Variants in CLASP2 observed in about 807,000 individuals in gnomAD.
The protein encoded by CLASP2 is CLIP-associating protein 2.
Under a neutral mutation model 194.4 loss-of-function variants are expected in CLASP2, and 47 were observed. The ratio of observed to expected loss-of-function variants is 0.24; its 90% confidence interval spans 0.19 to 0.31. The LOEUF is 0.31. Among genes scored for constraint, CLASP2 ranks in the 10% least tolerant of loss-of-function variants. CLASP2 has a pLI of 1.00. For synonymous variants in CLASP2, 619 were observed against 633.5 expected (o/e 0.98, Z 0.34); for missense variants, 1,445 against 1,823.6 (o/e 0.79, Z 3.78).
At chr3:33,637,861 T>A (rs990816883) in intron 8 of CLASP2, among the ~76,000 whole-genome samples, 1 of 152,208 alleles carries the variant, frequency 6.6e-6, no homozygotes, top group African/African-American at 2.4e-5. Flanking sequence ...CTTAGAGGAA[T>A]CTATTTTATA....
At chr3:33,582,999 T>G (rs986460275) in intron 22 of CLASP2, among the ~76,000 whole-genome samples, 5 of 152,182 alleles carry the variant, frequency 3.3e-5, no homozygotes, top group South Asian at 2.1e-4. Flanking sequence ...TCAAAAAGCT[T>G]GACTCCTACA....
chr3:33,617,948 TA>T (rs1192212951), intron 12 of CLASP2, among the ~76,000 whole-genome samples: 182 of 110,316 alleles, frequency 1.6e-3, no homozygotes, highest in African/African-American at 3.9e-3. Flanking sequence ...TATATATATA[TA>T]TATTTTTTTT....
chr3:33,665,117 A>G (rs2154334783), intron 6 of CLASP2, among the ~76,000 whole-genome samples: 1 of 151,936 alleles, frequency 6.6e-6, no homozygotes, highest in South Asian at 2.1e-4. Context: ...AAAAAAAAAG[A>G]AAGAAAGAAA....
intron 10 of CLASP2, among the ~76,000 whole-genome samples, chr3:33,624,577 C>T (rs1263805691): frequency 3.9e-5 from 6 of 151,996 alleles, no homozygotes; most frequent in Non-Finnish European, 8.8e-5. Context: ...GTACTGAACC[C>T]TATATATGCT....
intron 26 of CLASP2, 58 bp from the exon 27 acceptor site, chr3:33,566,792 A>G: frequency 2.3e-6 from 1 of 432,688 alleles, no homozygotes; most frequent in Non-Finnish European, 4.6e-6. Context: ...AAAAAAAAGA[A>G]AAACACACAA....
intron 34 of CLASP2, 125 bp from the exon 35 acceptor site, chr3:33,517,299 A>C: frequency 5.5e-6 from 4 of 723,908 alleles, no homozygotes; most frequent in Non-Finnish European, 8.3e-6. Flanking sequence ...AAGACAAAGA[A>C]AAAAGACATT....
intron 6 of CLASP2, among the ~76,000 whole-genome samples, chr3:33,664,882 C>T (rs1263737621): frequency 2.0e-5 from 3 of 151,878 alleles, no homozygotes; most frequent in Non-Finnish European, 2.9e-5. Flanking sequence ...CGCAGATCAC[C>T]TGAGCACAGG....
intron 29 of CLASP2, chr3:33,558,238 C>T (rs2061283780): frequency 6.6e-6 from 1 of 152,164 alleles, no homozygotes; most frequent in African/African-American, 2.4e-5. Flanking sequence ...TCTCTTTCTC[C>T]TGGATGCATC....
chr3:33,597,314 G>C (rs986757800), intron 18 of CLASP2, among the ~76,000 whole-genome samples: 1 of 152,196 alleles, frequency 6.6e-6, no homozygotes, highest in East Asian at 1.9e-4. Flanking sequence ...GGCACTACTA[G>C]AAACTGGAAT....
At chr3:33,506,941 T>TTC (rs2048418834) in intron 37 of CLASP2, among the ~76,000 whole-genome samples, 1 of 62,954 alleles carries the variant, frequency 1.6e-5, no homozygotes, top group Admixed American at 2.5e-4. Context: ...GATTAGATTC[T>TTC]TTTTTTTTTT....
chr3:33,620,976 T>C (rs920422109), intron 11 of CLASP2, among the ~76,000 whole-genome samples: 2 of 151,036 alleles, frequency 1.3e-5, no homozygotes, highest in Non-Finnish European at 2.9e-5. Context: ...TGGATTCCCA[T>C]ATTATGATCT....
chr3:33,701,499 A>C (rs2092371381), intron 1 of CLASP2, among the ~76,000 whole-genome samples: 1 of 152,220 alleles, frequency 6.6e-6, no homozygotes, highest in Non-Finnish European at 1.5e-5. Flanking sequence ...AAGAGGCTGA[A>C]GCAGGAGGAT....
chr3:33,558,968 C>G, intron 29 of CLASP2: 1 of 339,982 alleles, frequency 2.9e-6, no homozygotes, highest in South Asian at 2.7e-5. Context: ...TAAGTTTCTC[C>G]AAAAGACTTA....
intron 8 of CLASP2, among the ~76,000 whole-genome samples, chr3:33,642,947 T>C (rs2081585088): frequency 1.3e-5 from 2 of 151,870 alleles, no homozygotes; most frequent in Admixed American, 1.3e-4. Context: ...TGAAGGCTTC[T>C]ACCTTATTTT....
At position 33,718,124 on chromosome 3, in the gene CLASP2, G is replaced by T; in HGVS notation, c.-122C>A. On this transcript the variant is annotated 5_prime_UTR_variant, in exon 1 of 39. Coordinates refer to ENST00000682230, the MANE Select transcript of CLASP2 (RefSeq NM_001365631.1). ...ACTCACTTAGCCCGCCAGGGGCGCGGCTTGCGGGGCGCAGCGGGCGGCGGG... is the reference window on the plus strand; with the variant it reads ...ACTCACTTAGCCCGCCAGGGGCGCGTCTTGCGGGGCGCAGCGGGCGGCGGG... The T allele has an allele frequency of 2.0e-6, 2 of 1,016,068 alleles. No individual in the cohort carries two copies. Among genetic ancestry groups the T allele is most frequent in the African/African-American group, 1.7e-5 (1 of 58,738 alleles). 62.9% of individuals were successfully genotyped at this position (1,016,068 alleles called of 1,614,324 possible).
At chr3:33,690,369 T>C (rs1336829577) in intron 2 of CLASP2, among the ~76,000 whole-genome samples, 1 of 152,196 alleles carries the variant, frequency 6.6e-6, no homozygotes, top group Non-Finnish European at 1.5e-5. Flanking sequence ...ACCTTTTGTC[T>C]ATTTCCTCAG....
intron 8 of CLASP2, among the ~76,000 whole-genome samples, chr3:33,636,077 A>G (rs192363695): frequency 9.8e-5 from 15 of 152,330 alleles, no homozygotes; most frequent in Admixed American, 2.6e-4. Context: ...GTAAATAGCA[A>G]TTAGAAGTGG....
At chr3:33,645,603 T>G (rs111308587) in intron 7 of CLASP2, 4,468 of 327,504 alleles carry the variant, frequency 0.014, 165 homozygotes, top group African/African-American at 0.084. Context: ...ATCCTTATTC[T>G]ATATCAAAAT....
At chr3:33,518,366 T>C (rs2052008933) in intron 34 of CLASP2, among the ~76,000 whole-genome samples, 1 of 152,228 alleles carries the variant, frequency 6.6e-6, no homozygotes, top group Admixed American at 6.5e-5. Context: ...CATTTGAATG[T>C]AACAAAATAC....
Sources: gnomAD v4.1 joint callset for allele counts (sites outside exome capture counted in the v4.1 genomes callset) on GRCh38, gnomAD v4.1.1 for gene constraint, MANE v1.5 for transcripts, NCBI Gene and HGNC (gene_info 2026-07-23, HGNC 2026-07-21) for gene names.